SYNE1: variants seen among roughly 807,000 people sequenced by gnomAD.
SYNE1 encodes the protein spectrin repeat containing nuclear envelope protein 1.
A neutral mutation model predicts 1,111.0 loss-of-function variants in SYNE1; 616 were observed. That is an observed-to-expected ratio of 0.55 (90% CI 0.52 to 0.59). The LOEUF (loss-of-function observed/expected upper bound fraction) is 0.59. Among genes scored for constraint, SYNE1 ranks in the 20% least tolerant of loss-of-function variants. SYNE1 has a pLI of 0.00. For missense variants in SYNE1, 10,006 were observed against 10,417.0 expected, an observed-to-expected ratio of 0.96 and a Z score of 1.72; for synonymous variants, 3,855 against 3,825.8, an observed-to-expected ratio of 1.01 and a Z score of -0.28.
At chr6:152,214,818 A>G in intron 122 of SYNE1, 88 bp downstream of exon 122, 1 of 1,533,286 alleles carries the variant, frequency 6.5e-7, no homozygotes. Context: ...TGTTCTTTAT[A>G]AATTATGCAT....
At chr6:152,293,559 T>C (rs1418157817) in intron 95 of SYNE1, 29 bp downstream of exon 95, 13 of 1,613,390 alleles carry the variant, frequency 8.1e-6, no homozygotes, top group Middle Eastern at 1.7e-4. Context: ...TTCAATCAAG[T>C]AGGAAACTGA....
Position 152,308,531 on chromosome 6 carries a change from G to C in SYNE1, c.17304C>G (p.Thr5768=), listed in dbSNP as rs761317212. The change falls in exon 91 of 146, where the codon ACC becomes ACG. Residue 5768 remains threonine, a synonymous_variant. Coordinates refer to ENST00000367255, the MANE Select transcript of SYNE1 (RefSeq NM_182961.4). ...HREIEDKPVA[T]SNIQELQAQI... is the part of the protein sequence containing the mutation. ...GAGCCTGCAGCTCCTGTATGTTACTGGTGGCAACAGGTTTATCCTCAATCT... is the reference window on the plus strand; with the variant it reads ...GAGCCTGCAGCTCCTGTATGTTACTCGTGGCAACAGGTTTATCCTCAATCT... 6.2e-7 allele frequency: 1 copy of C among 1,613,884 alleles called. No individual in the cohort carries two copies. The highest frequency in any genetic ancestry group is 2.2e-5 in the East Asian group (1 of 44,864).
intron 3 of SYNE1, among the ~76,000 whole-genome samples, chr6:152,544,043 G>A (rs750865642): frequency 2.6e-5 from 4 of 152,314 alleles, no homozygotes; most frequent in Middle Eastern, 3.4e-3. Flanking sequence ...TAAGAAAACA[G>A]TTTAAATATA....
chr6:152,439,069 G>GA (rs2098503254), intron 32 of SYNE1, among the ~76,000 whole-genome samples: 1 of 152,156 alleles, frequency 6.6e-6, no homozygotes, highest in Non-Finnish European at 1.5e-5. Flanking sequence ...TCTTAGGACT[G>GA]TTTTGAGGAT....
chr6:152,416,260 G>T, intron 41 of SYNE1, 127 bp downstream of exon 41: 1 of 1,316,332 alleles, frequency 7.6e-7, no homozygotes, highest in Non-Finnish European at 1.1e-6. Flanking sequence ...CTTTCTTTTG[G>T]CAGAGTGAAT....
rs2099133562 is a variant in SYNE1, at chr6:152,520,499, G to A, written c.269C>T (p.Ala90Val). The change falls in exon 6 of 146, where the codon GCT (alanine) becomes GTT (valine). Residue 90 changes from alanine to valine, a missense_variant. Around this residue, in one of 7 missense-constraint regions of SYNE1, gnomAD observed 1,971 missense variants for 2,084.1 expected, o/e 0.95. Coordinates refer to ENST00000367255, the MANE Select transcript of SYNE1 (RefSeq NM_182961.4). ...GAACTTGAGTGCCGTGCCAATGTTAGCCACAGCATGGATTCGCTTCATCCG... is the reference window on the plus strand; with the variant it reads ...GAACTTGAGTGCCGTGCCAATGTTAACCACAGCATGGATTCGCTTCATCCG... Reference protein sequence around the residue: ...GRRMKRIHAVANIGTALKFLE... With the variant: ...GRRMKRIHAVVNIGTALKFLE... 6 of 1,613,546 alleles carry A rather than the reference G, an allele frequency of 3.7e-6. No homozygotes were observed. The highest frequency in any genetic ancestry group is 3.3e-5 in the Admixed American group (2 of 59,964).
chr6:152,598,170 A>C (rs1165732814), intron 3 of SYNE1, among the ~76,000 whole-genome samples: 4 of 152,094 alleles, frequency 2.6e-5, no homozygotes, highest in African/African-American at 9.7e-5. Flanking sequence ...GTGTTGTAGG[A>C]GGGACCCGGT....
chr6:152,205,513 C>A (rs577031232), intron 126 of SYNE1, among the ~76,000 whole-genome samples: 1 of 152,348 alleles, frequency 6.6e-6, no homozygotes, highest in African/African-American at 2.4e-5. Context: ...ATGATTTTAA[C>A]TTGAGATTAT....
At chr6:152,145,695 G>A (rs2059359990) in intron 137 of SYNE1, 4 of 747,018 alleles carry the variant, frequency 5.4e-6, no homozygotes, top group Non-Finnish European at 9.4e-6. Flanking sequence ...AGAGGAGCGT[G>A]CAGGCTCACC....
chr6:152,276,043 T>C (rs866017665), intron 98 of SYNE1, among the ~76,000 whole-genome samples: 2,780 of 146,856 alleles, frequency 0.019, 80 homozygotes, highest in African/African-American at 0.067. Context: ...TTTTTTTTTT[T>C]TTTTTTTTTG....
At chr6:152,478,498 G>A (rs193199943) in intron 14 of SYNE1, 22 of 152,346 alleles carry the variant, frequency 1.4e-4, no homozygotes, top group African/African-American at 4.3e-4. Flanking sequence ...GGTTGGCCTC[G>A]GCCCAGAGCA....
At chr6:152,164,792 C>A (rs896058072) in intron 130 of SYNE1, among the ~76,000 whole-genome samples, 1 of 152,150 alleles carries the variant, frequency 6.6e-6, no homozygotes, top group Non-Finnish European at 1.5e-5. Flanking sequence ...TTAAAAATTG[C>A]TGCTACCTTT....
chr6:152,184,282 A>G (rs921636098), intron 128 of SYNE1, among the ~76,000 whole-genome samples: 1 of 152,108 alleles, frequency 6.6e-6, no homozygotes, highest in Admixed American at 6.6e-5. Context: ...TTAAAAGAAT[A>G]CAAAATTAGC....
chr6:152,519,684 G>T (rs2154347491), intron 6 of SYNE1, among the ~76,000 whole-genome samples: 1 of 152,218 alleles, frequency 6.6e-6, no homozygotes, highest in Non-Finnish European at 1.5e-5. Flanking sequence ...GAAGGCAATG[G>T]ATACTAAAAT....
chr6:152,234,710 T>C lies in SYNE1; in HGVS notation c.20487A>G (p.Pro6829=). ...EFWTQQSVTV[P]QELEMVRDHL... The stretch of plus-strand genomic sequence containing the variant: ...GATCACGGACCATTTCCAGCTCTTG[T>C]GGGACTGTCACAGATTGCTGAGTCC... The change falls in exon 111 of 146, where the codon CCA becomes CCG. Residue 6829 remains proline, a synonymous_variant. Coordinates refer to ENST00000367255, the MANE Select transcript of SYNE1 (RefSeq NM_182961.4). 5 of 1,614,250 alleles carry C rather than the reference T, an allele frequency of 3.1e-6. No individual in the cohort carries two copies. The highest frequency in any genetic ancestry group is 3.4e-6 in the Non-Finnish European group (4 of 1,180,032).
At chr6:152,338,527 G>C (rs983187624) in intron 75 of SYNE1, among the ~76,000 whole-genome samples, 1 of 152,122 alleles carries the variant, frequency 6.6e-6, no homozygotes, top group African/African-American at 2.4e-5. Context: ...AGGCGGAGGT[G>C]GGAGGATCAC....
chr6:152,527,878 A>G (rs1245951486), intron 4 of SYNE1, among the ~76,000 whole-genome samples: 1 of 152,044 alleles, frequency 6.6e-6, no homozygotes, highest in Non-Finnish European at 1.5e-5. Context: ...ACGTCCTCTC[A>G]CCTCACTTCT....
In SYNE1 at chr6:152,325,295, A is replaced by G. The variant is rs748464453; in HGVS notation, c.15446T>C (p.Val5149Ala). Residue 5149 changes from valine (V) to alanine (A), a missense_variant, in exon 81 of 146, where the codon GTG becomes GCG. This residue lies in a region of SYNE1 where 4,955 missense variants were observed against 5,017.2 expected (regional missense o/e 0.99). Coordinates refer to ENST00000367255, the MANE Select transcript of SYNE1 (RefSeq NM_182961.4). ...CTCATGGAAAGAGTTAACCACTGAC[A>G]CTAAAGCCTAGGGTTGGGGGTGGAG... ...EEKLSEHKAL[V>A]SVVNSFHEKI... The G allele has an allele frequency of 6.2e-7, 1 of 1,614,132 alleles. No individual in the cohort carries two copies. Among genetic ancestry groups the G allele is most frequent in the South Asian group, 1.1e-5 (1 of 91,086 alleles).
chr6:152,478,075 T>C (rs946307515), intron 14 of SYNE1, among the ~76,000 whole-genome samples: 1 of 152,176 alleles, frequency 6.6e-6, no homozygotes, highest in African/African-American at 2.4e-5. Context: ...AAGAAAGTCT[T>C]TCAAGGGTAA....
Sources: allele counts gnomAD v4.1 joint callset (sites outside exome capture counted in the v4.1 genomes callset), GRCh38; gene constraint gnomAD v4.1.1; regional missense constraint gnomAD v4.1.1; transcripts MANE v1.5; gene names NCBI Gene and HGNC (gene_info 2026-07-23, HGNC 2026-07-21).